SPHKAP: variants seen among roughly 807,000 people sequenced by gnomAD.
SPHKAP encodes the protein SPHK1 interactor, AKAP domain containing.
In SPHKAP, 67 loss-of-function variants were observed where a neutral mutation model predicts 137.5. That is an observed-to-expected ratio of 0.49 (90% CI 0.40 to 0.60). SPHKAP has a LOEUF of 0.60. Among genes scored for constraint, SPHKAP ranks in the 20% least tolerant of loss-of-function variants. SPHKAP has a pLI of 0.00. For missense variants in SPHKAP, 2,097 were observed against 2,069.3 expected (o/e 1.01, Z -0.26); for synonymous variants, 813 against 785.3 (o/e 1.04, Z -0.59).
In SPHKAP at chr2:228,025,413, G is replaced by C. The variant is rs752413575; in HGVS notation, c.422C>G (p.Ala141Gly). 14 of 1,613,654 alleles carry C rather than the reference G, an allele frequency of 8.7e-6. No homozygotes were observed. Among genetic ancestry groups the C allele is most frequent in the African/African-American group, 1.3e-5 (1 of 74,900 alleles). ...TCTTACCTGTGAAACTTCAAAATCT[G>C]CCTGGAGATTTCCAGAGGCTAACCC... is the stretch of plus-strand genomic sequence containing the variant. Reference protein sequence around the residue: ...LSGLASGNLQADFEVSQCPWL... With the variant: ...LSGLASGNLQGDFEVSQCPWL... The change falls in exon 5 of 12, where the codon GCA becomes GGA. Residue 141 changes from alanine (A) to glycine (G), a missense_variant. Physicochemically the swap from Ala to Gly is moderately conservative, Grantham distance 60. Coordinates refer to ENST00000392056, the MANE Select transcript of SPHKAP (RefSeq NM_001142644.2).
chr2:228,142,060 G>A (rs972840924), intron 1 of SPHKAP, among the ~76,000 whole-genome samples: 2 of 152,174 alleles, frequency 1.3e-5, no homozygotes, highest in African/African-American at 4.8e-5. Flanking sequence ...TTAAGGAAAT[G>A]TTACTGAAGG....
chr2:228,153,767 T>C (rs952889463), intron 1 of SPHKAP, among the ~76,000 whole-genome samples: 1 of 152,224 alleles, frequency 6.6e-6, no homozygotes, highest in African/African-American at 2.4e-5. Context: ...AGAGGACTGA[T>C]GAATAATTTT....
chr2:228,055,583 A>G (rs1359924914), intron 3 of SPHKAP, among the ~76,000 whole-genome samples: 1 of 152,152 alleles, frequency 6.6e-6, no homozygotes, highest in African/African-American at 2.4e-5. Context: ...CACCATGACT[A>G]TAGAAAGTAT....
chr2:228,034,862 G>T (rs965330022), intron 3 of SPHKAP, among the ~76,000 whole-genome samples: 1 of 152,062 alleles, frequency 6.6e-6, no homozygotes, highest in Admixed American at 6.6e-5. Context: ...AATAAATTAG[G>T]TATTGATGGG....
At chr2:228,022,196 G>A in intron 5 of SPHKAP, 1 of 985,348 alleles carries the variant, frequency 1.0e-6, no homozygotes, top group Non-Finnish European at 1.2e-6. Flanking sequence ...TAGATCGGCT[G>A]TATCACATAT....
intron 3 of SPHKAP, among the ~76,000 whole-genome samples, chr2:228,061,112 C>G (rs1017320984): frequency 3.3e-5 from 5 of 152,124 alleles, no homozygotes; most frequent in African/African-American, 1.2e-4. Flanking sequence ...TAGTGTTAAA[C>G]CCCCTCCACA....
intron 11 of SPHKAP, among the ~76,000 whole-genome samples, chr2:227,988,515 C>A (rs763717762): frequency 6.6e-6 from 1 of 152,212 alleles, no homozygotes. Context: ...GTTTGTGAGA[C>A]ACCTCTTACC....
At chr2:228,003,065 C>T (rs1693972511) in intron 7 of SPHKAP, among the ~76,000 whole-genome samples, 1 of 152,090 alleles carries the variant, frequency 6.6e-6, no homozygotes, top group Non-Finnish European at 1.5e-5. Flanking sequence ...TTTTTTGGTT[C>T]CATGTGAACT....
In SPHKAP at chr2:228,092,931, A is replaced by G. The variant is rs117193281; in HGVS notation, c.246+15901T>C. On this transcript the variant is annotated intron_variant, in intron 3 of 11. Coordinates refer to ENST00000392056, the MANE Select transcript of SPHKAP (RefSeq NM_001142644.2). ...GAAAAGGATGGGAACAGGTTGAGGG[A>G]TAAGAGACTACAAACTGGGTTCAGT... Among the ~76,000 whole-genome samples the G allele has an allele frequency of 2.1e-4, 32 of 152,216 alleles. 1 individual carries two copies. The East Asian group carries it at 6.2e-3, about 29-fold the overall frequency.
In SPHKAP at chr2:228,181,463, C is replaced by A; in HGVS notation, c.32+104G>T. 6.7e-7 allele frequency: 1 copy of A among 1,501,362 alleles called. No individual in the cohort carries two copies. Among genetic ancestry groups the A allele is most frequent in the Non-Finnish European group, 9.3e-7 (1 of 1,077,872 alleles). 93.0% of individuals were successfully genotyped at this position (1,501,362 alleles called of 1,614,324 possible). A position where few individuals can be genotyped will look rare whatever the true frequency, so the allele number is the denominator to read the frequency against. ...GTGACCCCTGTCTCCTCGCTGGGAG[C>A]CCCGTGCAAACCGAAGCGCTCTGGG... On this transcript the variant is annotated intron_variant, in intron 1 of 11. Coordinates refer to ENST00000392056, the MANE Select transcript of SPHKAP (RefSeq NM_001142644.2). This position sits in a 1 kb window ranked among gnomAD's most constrained non-coding sequence, Gnocchi z 4.3.
At chr2:228,132,815 C>T (rs113784412) in intron 1 of SPHKAP, among the ~76,000 whole-genome samples, 48,203 of 146,036 alleles carry the variant, frequency 0.33, 8,246 homozygotes, top group East Asian at 0.49. Context: ...CTGGCCAACA[C>T]GGTGAAACCC....
At chr2:228,081,443 G>C (rs767359225) in intron 3 of SPHKAP, among the ~76,000 whole-genome samples, 1 of 152,062 alleles carries the variant, frequency 6.6e-6, no homozygotes, top group Admixed American at 6.6e-5. Flanking sequence ...TATACTTTTC[G>C]TTCACAATCC....
Position 228,016,527 on chromosome 2 carries a change from G to A in SPHKAP, c.4327C>T (p.Pro1443Ser), listed in dbSNP as rs1316986280. 1 of 1,613,904 alleles carries A rather than the reference G, an allele frequency of 6.2e-7. No individual in the cohort carries two copies. The highest frequency in any genetic ancestry group is 8.5e-7 in the Non-Finnish European group (1 of 1,180,030). ...TDQREACAGE[P>S]EPFLSKSSLL... Reference sequence around the variant, plus strand: ...CTGCTTTTGGAAAGGAAGGGTTCAGGTTCCCCAGCACAGGCTTCTCTCTGA... The same window carrying A: ...CTGCTTTTGGAAAGGAAGGGTTCAGATTCCCCAGCACAGGCTTCTCTCTGA... Residue 1443 changes from proline to serine, a missense_variant, in exon 7 of 12, where the codon CCT becomes TCT. By Grantham distance (74) the Pro-to-Ser change is moderately conservative. Coordinates refer to ENST00000392056, the MANE Select transcript of SPHKAP (RefSeq NM_001142644.2).
chr2:228,026,013 A>C (rs13001250), intron 4 of SPHKAP: 1 of 237,578 alleles, frequency 4.2e-6, no homozygotes, highest in Non-Finnish European at 6.8e-6. Flanking sequence ...TCTCTCCTGC[A>C]CTGTTCTTGT....
At chr2:228,076,253 A>G (rs555077530) in intron 3 of SPHKAP, among the ~76,000 whole-genome samples, 2 of 152,210 alleles carry the variant, frequency 1.3e-5, no homozygotes, top group Non-Finnish European at 2.9e-5. Flanking sequence ...TATCAGCAGT[A>G]TGAATACGGA....
intron 3 of SPHKAP, among the ~76,000 whole-genome samples, chr2:228,092,614 GC>G (rs777878273): frequency 2.1e-5 from 3 of 143,854 alleles, no homozygotes; most frequent in Non-Finnish European, 3.0e-5. Flanking sequence ...ATATATATGT[GC>G]CATATATATG....
In SPHKAP at chr2:228,018,949, G is replaced by T; in HGVS notation, c.1905C>A (p.Ser635Arg). The T allele has an allele frequency of 6.2e-7, 1 of 1,614,180 alleles. No individual in the cohort carries two copies. The highest frequency in any genetic ancestry group is 2.2e-5 in the East Asian group (1 of 44,874). The change falls in exon 7 of 12, where the codon AGC (serine) becomes AGA (arginine). Residue 635 changes from serine to arginine, a missense_variant. Physicochemically the swap from Ser to Arg is moderately radical, Grantham distance 110. Coordinates refer to ENST00000392056, the MANE Select transcript of SPHKAP (RefSeq NM_001142644.2). ...TCATGGAGTCCAGAAAGTCTCCAAT[G>T]CTGCTGTAGGTATTAGGCCTTGTTA... is the stretch of plus-strand genomic sequence containing the variant. The part of the protein sequence containing the change: ...LVLTRPNTYS[S>R]IGDFLDSMNR...
intron 2 of SPHKAP, 85 bp downstream of exon 2, chr2:228,131,895 A>G: frequency 2.0e-6 from 3 of 1,516,330 alleles, no homozygotes; most frequent in South Asian, 2.3e-5. Context: ...TGTTGTTTCT[A>G]CTTTAGGAAG....
intron 3 of SPHKAP, among the ~76,000 whole-genome samples, chr2:228,035,225 T>G (rs987068870): frequency 2.4e-5 from 3 of 124,464 alleles, no homozygotes; most frequent in Non-Finnish European, 5.0e-5. Context: ...CAAGCATTCT[T>G]ATACACCAAT....
Sources: allele counts gnomAD v4.1 joint callset (sites outside exome capture counted in the v4.1 genomes callset), GRCh38; gene constraint gnomAD v4.1.1; non-coding constraint Gnocchi (gnomAD v3.1); transcripts MANE v1.5; gene names NCBI Gene and HGNC (gene_info 2026-07-23, HGNC 2026-07-21).